The following EML2 variants were observed in gnomAD, a reference collection of about 807,000 sequenced individuals.
EML2 encodes EMAP like 2, also known as echinoderm microtubule-associated protein-like 2.
EML2 carries 59 observed loss-of-function variants against 84.7 expected under a neutral mutation model. The ratio of observed to expected loss-of-function variants is 0.70; its 90% CI spans 0.56 to 0.86. EML2 has a LOEUF of 0.86. Ranked by LOEUF, EML2 falls within the 40% of genes least tolerant of loss-of-function variation. The pLI, the probability that EML2 is intolerant of heterozygous loss-of-function variation, is 0.00. For missense variants in EML2, 818 were observed against 855.6 expected, an observed-to-expected ratio of 0.96 and a Z score of 0.55; for synonymous variants, 352 against 348.9, an observed-to-expected ratio of 1.01 and a Z score of -0.10.
At chr19:45,635,980 A>G (rs1973683876) in intron 3 of EML2, among the ~76,000 whole-genome samples, 1 of 152,124 alleles carries the variant, frequency 6.6e-6, no homozygotes, top group African/African-American at 2.4e-5. Context: ...TCTCAAGATG[A>G]GATCATCCTG....
At chr19:45,641,443 A>T (rs1167088064), upstream of EML2, 4 of 587,716 alleles carry the variant, frequency 6.8e-6, no homozygotes, top group African/African-American at 7.5e-5. Flanking sequence ...GCCCCTCAAT[A>T]TTGACTCCGC....
intron 3 of EML2, among the ~76,000 whole-genome samples, 172 bp downstream of exon 3, chr19:45,638,333 T>C (rs116848857): frequency 6.6e-6 from 1 of 152,200 alleles, no homozygotes; most frequent in Non-Finnish European, 1.5e-5. Flanking sequence ...TCTGGCCACA[T>C]AGCCCTTGAA....
At chr19:45,643,503 C>G, upstream of EML2, 6 of 1,529,650 alleles carry the variant, frequency 3.9e-6, no homozygotes, top group Non-Finnish European at 5.3e-6. Flanking sequence ...CCCCCCAACC[C>G]CGCTCATTTT....
At chr19:45,626,185 T>A (rs189687662) in intron 8 of EML2, among the ~76,000 whole-genome samples, 1 of 151,246 alleles carries the variant, frequency 6.6e-6, no homozygotes, top group African/African-American at 2.4e-5. Flanking sequence ...CTAATTTTTG[T>A]ATTTTTTGTA....
upstream of EML2, chr19:45,639,524 C>T: frequency 1.3e-6 from 1 of 793,546 alleles, no homozygotes; most frequent in Admixed American, 4.4e-5. Context: ...GGTCACACAT[C>T]CCGGGCTGTG....
chr19:45,626,406 T>TTTC (rs1972331990), intron 8 of EML2, among the ~76,000 whole-genome samples: 2 of 129,504 alleles, frequency 1.5e-5, no homozygotes, highest in Non-Finnish European at 1.7e-5. Context: ...TTTTTTTTTT[T>TTTC]TCTGAGATAG....
intron 1 of EML2, 128 bp from the exon 2 acceptor site, chr19:45,639,001 G>T: frequency 9.1e-7 from 1 of 1,103,534 alleles, no homozygotes; most frequent in Non-Finnish European, 1.4e-6. Context: ...AAGGGGCAGA[G>T]CGCTGCCTCT....
chr19:45,639,264 G>T, intron 1 of EML2, 93 bp downstream of exon 1: 3 of 1,229,526 alleles, frequency 2.4e-6, no homozygotes, highest in Non-Finnish European at 3.2e-6. Context: ...GTGTCCCCAC[G>T]CCGGTCTGGG....
At chr19:45,632,834 C>T (rs1475907579) in intron 6 of EML2, 27 bp downstream of exon 6, 2 of 1,463,684 alleles carry the variant, frequency 1.4e-6, no homozygotes, top group East Asian at 3.0e-5. Context: ...GGCGAAGGGG[C>T]GGGGTTAGGG....
intron 9 of EML2, chr19:45,623,498 C>T (rs933370970): frequency 2.0e-5 from 3 of 151,970 alleles, no homozygotes; most frequent in African/African-American, 7.3e-5. Context: ...CACTGCACTC[C>T]AGCCTGGGCG....
chr19:45,639,959 A>C (rs1192024590), upstream of EML2: 2 of 151,998 alleles, frequency 1.3e-5, no homozygotes. Flanking sequence ...GTGTCATTGC[A>C]CTCCAGCCTG....
At position 45,616,484 on chromosome 19, in the gene EML2, C is replaced by A; in HGVS notation, c.1486G>T (p.Val496Phe). Reference sequence around the variant, plus strand: ...ACCGAGCACTTGCCCAGGCGGCTGACCTTGCGGCCGCCCTGGTCCACCGTG... The same window carrying A: ...ACCGAGCACTTGCCCAGGCGGCTGAACTTGCGGCCGCCCTGGTCCACCGTG... ...VYTVDQGGRK[V>F]SRLGKCSGHS... Residue 496 changes from valine (V) to phenylalanine (F), a missense_variant, in exon 15 of 19, where the codon GTC (valine) becomes TTC (phenylalanine). By Grantham distance (50) the Val-to-Phe change is conservative (BLOSUM62 -1). Transcript: ENST00000245925. 6.3e-7 allele frequency: 1 copy of A among 1,593,704 alleles called. No individual in the cohort carries two copies. Among genetic ancestry groups the A allele is most frequent in the East Asian group, 2.3e-5 (1 of 44,190 alleles).
intron 4 of EML2, 21 bp downstream of exon 4, chr19:45,634,301 C>A: frequency 1.2e-6 from 2 of 1,612,426 alleles, no homozygotes; most frequent in Non-Finnish European, 1.7e-6. Flanking sequence ...TCCCTCCCGT[C>A]CCCTCTGTCC....
chr19:45,614,515 G>T, intron 17 of EML2, 90 bp downstream of exon 17: 1 of 1,099,780 alleles, frequency 9.1e-7, no homozygotes, highest in Non-Finnish European at 1.4e-6. Context: ...TCCCACACTG[G>T]AGGTAAGCAG....
chr19:45,638,390 T>C, intron 3 of EML2, 115 bp downstream of exon 3: 3 of 1,474,768 alleles, frequency 2.0e-6, no homozygotes, highest in Non-Finnish European at 2.8e-6. Context: ...CTCAAACTCT[T>C]GGCCTCAAAC....
At position 45,621,497 on chromosome 19, in the gene EML2, G is replaced by A; in HGVS notation, c.982C>T (p.Leu328=). 1 of 1,611,078 alleles carries A rather than the reference G, an allele frequency of 6.2e-7. No homozygotes were observed. Among genetic ancestry groups the A allele is most frequent in the Non-Finnish European group, 8.5e-7 (1 of 1,179,652 alleles). The change falls in exon 10 of 19, where the codon CTG becomes TTG. Residue 328 remains leucine (L), a synonymous_variant. Transcript: ENST00000245925. ...VVLWGSDYSK[L]QEVEVPEDFG... ...CCCCTCCTCACCTCCACTTCCTGCA[G>A]CTTGCTGTAGTCAGAACCCCAGAGG...
rs763574475 is a variant in EML2 at position 45,626,758 on chromosome 19, A to G, written c.688T>C (p.Tyr230His). 1 of 1,613,810 alleles carries G rather than the reference A, an allele frequency of 6.2e-7. No homozygotes were observed. Among genetic ancestry groups the G allele is most frequent in the South Asian group, 1.1e-5 (1 of 91,060 alleles). ...CTGCCCCCCTCCAAGGTCCAGAAGTAGATGTGAGATTTCCCGCAGGTGATA... is the reference window on the plus strand; with the variant it reads ...CTGCCCCCCTCCAAGGTCCAGAAGTGGATGTGAGATTTCCCGCAGGTGATA... ...VLITCGKSHI[Y>H]FWTLEGGSLS... The change falls in exon 8 of 19, where the codon TAC becomes CAC. Residue 230 changes from tyrosine to histidine, a missense_variant. By Grantham distance (83) the Tyr-to-His change is moderately conservative. Coordinates refer to ENST00000245925, the MANE Select transcript of EML2 (RefSeq NM_012155.4).
chr19:45,629,465 C>T (rs1188282694), intron 7 of EML2, among the ~76,000 whole-genome samples: 1 of 152,114 alleles, frequency 6.6e-6, no homozygotes, highest in African/African-American at 2.4e-5. Flanking sequence ...GCTGGGATTA[C>T]AGGCATGTGC....
upstream of EML2, chr19:45,645,585 C>G (rs1035865207): frequency 2.6e-6 from 2 of 780,816 alleles, no homozygotes; most frequent in Non-Finnish European, 3.8e-6. Context: ...TGGCTGCGCC[C>G]GGATCCCCCT....
Sources: allele counts gnomAD v4.1 joint callset (sites outside exome capture counted in the v4.1 genomes callset), GRCh38; gene constraint gnomAD v4.1.1; transcripts MANE v1.5; gene names NCBI Gene and HGNC (gene_info 2026-07-23, HGNC 2026-07-21).